The following PPP3R1 variants were observed in gnomAD, a reference collection of about 807,000 sequenced individuals.
PPP3R1 encodes calcineurin subunit B type 1.
In PPP3R1, 5 loss-of-function variants were observed where a neutral mutation model predicts 22.6. The ratio of observed to expected loss-of-function variants is 0.22; its 90% CI spans 0.12 to 0.46. PPP3R1 has a LOEUF of 0.46. Among genes scored for constraint, PPP3R1 ranks in the 20% least tolerant of loss-of-function variants. PPP3R1 has a pLI of 0.99. For synonymous variants in PPP3R1, 56 were observed against 65.2 expected, an observed-to-expected ratio of 0.86 and a Z score of 0.68; for missense variants, 61 against 203.2, an observed-to-expected ratio of 0.30 and a Z score of 4.25.
chr2:68,184,239 C>A (rs999099836), intron 5 of PPP3R1, among the ~76,000 whole-genome samples: 1 of 152,194 alleles, frequency 6.6e-6, no homozygotes, highest in African/African-American at 2.4e-5. Context: ...CACTTTCATC[C>A]TCACTTCCAG....
At chr2:68,250,581 C>A (rs1294669871) in intron 1 of PPP3R1, among the ~76,000 whole-genome samples, 1 of 152,222 alleles carries the variant, frequency 6.6e-6, no homozygotes, top group Non-Finnish European at 1.5e-5. Context: ...CAATTCTTCA[C>A]TTCAAAAGAC....
chr2:68,218,861 A>G (rs776255845), intron 1 of PPP3R1, among the ~76,000 whole-genome samples: 6 of 152,096 alleles, frequency 3.9e-5, no homozygotes, highest in South Asian at 2.1e-4. Flanking sequence ...AGTGTTATCA[A>G]TTCTTTCTAA....
intron 5 of PPP3R1, among the ~76,000 whole-genome samples, chr2:68,184,634 T>G (rs2103716078): frequency 6.6e-6 from 1 of 152,316 alleles, no homozygotes; most frequent in Non-Finnish European, 1.5e-5. Flanking sequence ...TTCCAATCTT[T>G]CACTGTTATA....
At position 68,202,792 on chromosome 2, in the gene PPP3R1, A is replaced by ATTTTTTTT. The variant is rs71395958; in HGVS notation, c.44-14110_44-14103dup. Among the ~76,000 whole-genome samples, 85 of 81,212 alleles carry ATTTTTTTT rather than the reference A, an allele frequency of 1.0e-3. 15 individuals are homozygous for ATTTTTTTT. Among genetic ancestry groups the ATTTTTTTT allele is most frequent in the African/African-American group, 4.9e-3 (79 of 16,166 alleles). 53.3% of individuals were successfully genotyped at this position (81,212 alleles called of 152,430 possible). ...TAATATATACTAGAGAGTTCAGGGA[A>ATTTTTTTT]TTTTTTTTTTTTTTTTTTTTTTTTT... On this transcript the variant is annotated intron_variant, in intron 2 of 5. Coordinates refer to ENST00000234310, the MANE Select transcript of PPP3R1 (RefSeq NM_000945.4).
chr2:68,207,512 T>C (rs1223791020), intron 2 of PPP3R1, among the ~76,000 whole-genome samples: 1 of 152,236 alleles, frequency 6.6e-6, no homozygotes, highest in Non-Finnish European at 1.5e-5. Flanking sequence ...ATCCCAGATG[T>C]ACGTAAGGAA....
intron 2 of PPP3R1, among the ~76,000 whole-genome samples, chr2:68,206,465 A>C (rs1289185123): frequency 6.6e-6 from 1 of 152,176 alleles, no homozygotes; most frequent in East Asian, 1.9e-4. Context: ...AGTTTTCTCA[A>C]GCATTAGGAG....
intron 1 of PPP3R1, among the ~76,000 whole-genome samples, chr2:68,240,738 C>G (rs930105730): frequency 6.6e-6 from 1 of 152,176 alleles, no homozygotes; most frequent in Non-Finnish European, 1.5e-5. Flanking sequence ...GCACAGAAAA[C>G]AAGTAGGAAC....
intron 1 of PPP3R1, among the ~76,000 whole-genome samples, chr2:68,245,849 A>T (rs1670225598): frequency 6.6e-6 from 1 of 152,100 alleles, no homozygotes; most frequent in Non-Finnish European, 1.5e-5. Context: ...TTCCAGCCTA[A>T]ACTCTTATAT....
At chr2:68,188,444 TTTAC>T in intron 3 of PPP3R1, 66 bp downstream of exon 3, 1 of 1,285,694 alleles carries the variant, frequency 7.8e-7, no homozygotes, top group East Asian at 2.5e-5. Flanking sequence ...TTTTTTTTTT[TTTAC>T]ACAGAGCTGT....
chr2:68,188,560 T>C lies in PPP3R1; in HGVS notation c.174A>G (p.Val58=). ...TCCCATCTGTGTCGAATATATCTAT[T>C]ACTCGCTGTACTAAAGGATTCTGTT... ...ELQQNPLVQR[V]IDIFDTDGNG... The change falls in exon 3 of 6, where the codon GTA becomes GTG. Residue 58 remains valine (V), a synonymous_variant. Coordinates refer to ENST00000234310, the MANE Select transcript of PPP3R1 (RefSeq NM_000945.4). 1 of 1,612,732 alleles carries C rather than the reference T, an allele frequency of 6.2e-7. No individual in the cohort carries two copies. The highest frequency in any genetic ancestry group is 8.5e-7 in the Non-Finnish European group (1 of 1,179,306).
At chr2:68,243,918 GA>G (rs1328836927) in intron 1 of PPP3R1, among the ~76,000 whole-genome samples, 5 of 151,814 alleles carry the variant, frequency 3.3e-5, no homozygotes, top group Non-Finnish European at 5.9e-5. Flanking sequence ...AAAAAGGAAG[GA>G]AAAAAACCCC....
At chr2:68,251,589 C>G (rs535665260) in intron 1 of PPP3R1, among the ~76,000 whole-genome samples, 1 of 152,280 alleles carries the variant, frequency 6.6e-6, no homozygotes, top group South Asian at 2.1e-4. Flanking sequence ...TGGCAGGGTT[C>G]CCTGCCAAGA....
intron 2 of PPP3R1, among the ~76,000 whole-genome samples, chr2:68,206,482 C>A (rs1572961051): frequency 6.6e-6 from 1 of 152,266 alleles, no homozygotes; most frequent in East Asian, 1.9e-4. Flanking sequence ...GGAGCAAAAT[C>A]ATTTATTAAA....
chr2:68,201,875 AC>A (rs1160832763), intron 2 of PPP3R1, among the ~76,000 whole-genome samples: 1 of 152,230 alleles, frequency 6.6e-6, no homozygotes, highest in East Asian at 1.9e-4. Flanking sequence ...TTTTTAGGTA[AC>A]AACTTCTATG....
At chr2:68,223,245 T>C (rs926053004) in intron 1 of PPP3R1, among the ~76,000 whole-genome samples, 1 of 152,008 alleles carries the variant, frequency 6.6e-6, no homozygotes, top group South Asian at 2.1e-4. Context: ...AATACAAAAA[T>C]CAGCTGAGCA....
chr2:68,249,509 A>G (rs942026937), intron 1 of PPP3R1, among the ~76,000 whole-genome samples: 3 of 152,208 alleles, frequency 2.0e-5, no homozygotes, highest in Non-Finnish European at 4.4e-5. Context: ...CAAAACGTAA[A>G]ACAATTACCT....
At chr2:68,217,033 C>CG in intron 2 of PPP3R1, 59 bp downstream of exon 2, 2 of 1,245,280 alleles carry the variant, frequency 1.6e-6, no homozygotes, top group Non-Finnish European at 2.2e-6. Flanking sequence ...CACACACACA[C>CG]ACACACAGAG....
At chr2:68,237,230 A>G (rs1004798657) in intron 1 of PPP3R1, among the ~76,000 whole-genome samples, 1 of 152,204 alleles carries the variant, frequency 6.6e-6, no homozygotes, top group Non-Finnish European at 1.5e-5. Context: ...AGAATACTAC[A>G]TACTGGTTTC....
intron 2 of PPP3R1, among the ~76,000 whole-genome samples, chr2:68,192,567 C>T (rs960103880): frequency 3.9e-5 from 6 of 152,068 alleles, no homozygotes; most frequent in Non-Finnish European, 7.4e-5. Flanking sequence ...GTTTTAGCTA[C>T]TCAGAAAACT....
Sources: allele counts gnomAD v4.1 joint callset (sites outside exome capture counted in the v4.1 genomes callset), GRCh38; gene constraint gnomAD v4.1.1; transcripts MANE v1.5; gene names NCBI Gene and HGNC (gene_info 2026-07-23, HGNC 2026-07-21).